Variants in DRC2 observed in about 807,000 individuals in gnomAD.
The protein encoded by DRC2 is coiled-coil domain containing 65.
At chr12:48,909,037 CTTTTTTTTTTTT>C in the DRC2 span, among the ~76,000 whole-genome samples, 1 of 82,370 alleles carries the variant, frequency 1.2e-5, no homozygotes, top group Non-Finnish European at 2.3e-5. Flanking sequence ...TTTTCTTTCT[CTTTTTTTTTTTT>C]TTTTTTTTTT....
the DRC2 span, chr12:48,917,211 T>C: frequency 7.4e-7 from 1 of 1,343,006 alleles, no homozygotes; most frequent in Non-Finnish European, 1.0e-6. Context: ...AGCACCTTGG[T>C]AGGCCAAGGC....
chr12:48,913,324 G>T, the DRC2 span, among the ~76,000 whole-genome samples: 2 of 151,382 alleles, frequency 1.3e-5, no homozygotes, highest in Non-Finnish European at 2.9e-5. Flanking sequence ...TCTTTTTTGA[G>T]ACGGAGTCTC....
At chr12:48,915,992 C>T in the DRC2 span, among the ~76,000 whole-genome samples, 3 of 146,032 alleles carry the variant, frequency 2.1e-5, no homozygotes, top group African/African-American at 7.7e-5. Context: ...TCCCCACATC[C>T]CAGACGATGG....
chr12:48,914,262 C>T, the DRC2 span: 12 of 822,338 alleles, frequency 1.5e-5, no homozygotes, highest in Non-Finnish European at 2.2e-5. Context: ...TTGCTTTACA[C>T]AAGAGTGAGG....
At chr12:48,904,208 G>C in the DRC2 span, 2 of 1,287,948 alleles carry the variant, frequency 1.6e-6, no homozygotes, top group Non-Finnish European at 2.1e-6. Context: ...TGAGATCTCC[G>C]GTCCCACAAC....
chr12:48,921,296 G>T, the DRC2 span: 1 of 1,614,212 alleles, frequency 6.2e-7, no homozygotes, highest in Non-Finnish European at 8.5e-7. Context: ...GGGAGATGCT[G>T]AAGCAGTACT....
At chr12:48,911,741 A>T in the DRC2 span, among the ~76,000 whole-genome samples, 1 of 152,074 alleles carries the variant, frequency 6.6e-6, no homozygotes, top group Admixed American at 6.6e-5. Context: ...CTGGGATTAC[A>T]GGTGTGAGCC....
the DRC2 span, among the ~76,000 whole-genome samples, chr12:48,919,895 A>T: frequency 8.6e-5 from 13 of 150,706 alleles, no homozygotes; most frequent in Non-Finnish European, 1.6e-4. Context: ...CCAAGGTGGG[A>T]GGATTGCTTG....
At chr12:48,921,281 G>A in the DRC2 span, 1 of 1,614,224 alleles carries the variant, frequency 6.2e-7, no homozygotes, top group South Asian at 1.1e-5. Context: ...TCAATGGGAA[G>A]CTGCGGGAGA....
chr12:48,913,336 C>A, the DRC2 span, among the ~76,000 whole-genome samples: 2 of 151,522 alleles, frequency 1.3e-5, no homozygotes, highest in African/African-American at 4.8e-5. Context: ...CGGAGTCTCG[C>A]TCTGTCACCC....
chr12:48,918,163 C>A, the DRC2 span: 2 of 975,768 alleles, frequency 2.0e-6, no homozygotes, highest in Non-Finnish European at 1.6e-6. Flanking sequence ...CATGGGAGAC[C>A]TCTGTACTAA....
the DRC2 span, among the ~76,000 whole-genome samples, chr12:48,909,979 C>A: frequency 6.6e-6 from 1 of 151,868 alleles, no homozygotes; most frequent in Admixed American, 6.6e-5. Flanking sequence ...GGGGCTTCAT[C>A]ATGTTGGCCA....
the DRC2 span, chr12:48,921,377 C>G: frequency 1.9e-6 from 3 of 1,614,164 alleles, no homozygotes; most frequent in South Asian, 1.1e-5. Context: ...ACTATCAAAG[C>G]AACTTACTCC....
chr12:48,910,375 G>C, the DRC2 span, among the ~76,000 whole-genome samples: 2 of 152,214 alleles, frequency 1.3e-5, no homozygotes, highest in Non-Finnish European at 2.9e-5. Flanking sequence ...TTTGTTGAGT[G>C]AGTGAATAGT....
the DRC2 span, among the ~76,000 whole-genome samples, chr12:48,912,188 G>T: frequency 2.0e-5 from 3 of 152,016 alleles, no homozygotes. Context: ...TTGAACCTGT[G>T]GGGAGGAGGT....
At chr12:48,904,391 C>A in the DRC2 span, 4 of 1,613,974 alleles carry the variant, frequency 2.5e-6, no homozygotes, top group Admixed American at 1.7e-5. Context: ...GAAGCAGCTG[C>A]TTCTGTTTCA....
the DRC2 span, chr12:48,904,821 C>T: frequency 2.6e-6 from 2 of 776,390 alleles, no homozygotes; most frequent in Admixed American, 3.2e-5. Flanking sequence ...CCTTGCCCTC[C>T]CTAAATGCCA....
At chr12:48,921,130 T>G in the DRC2 span, 1 of 1,610,992 alleles carries the variant, frequency 6.2e-7, no homozygotes, top group Middle Eastern at 1.7e-4. Flanking sequence ...TGCTAATGGG[T>G]CTCGCTGCAC....
chr12:48,905,321 TGCCCAAA>T, the DRC2 span, among the ~76,000 whole-genome samples: 1 of 152,232 alleles, frequency 6.6e-6, no homozygotes, highest in African/African-American at 2.4e-5. Context: ...TGTCATCTAT[TGCCCAAA>T]ACCAGTACTA....
Sources: gnomAD v4.1 joint callset for allele counts (sites outside exome capture counted in the v4.1 genomes callset) on GRCh38, gnomAD v4.1.1 for gene constraint, MANE v1.5 for transcripts, NCBI Gene and HGNC (gene_info 2026-07-23, HGNC 2026-07-21) for gene names.